The following AMDHD1 variants were observed in gnomAD, a reference collection of about 807,000 sequenced individuals.
AMDHD1 encodes probable imidazolonepropionase.
AMDHD1 carries 45 observed loss-of-function variants against 44.1 expected under a neutral mutation model. The ratio of observed to expected loss-of-function variants is 1.02; its 90% confidence interval spans 0.80 to 1.31. The LOEUF is 1.31. AMDHD1 is among the 50% of genes most tolerant of loss of function. The pLI is 0.00. For missense variants in AMDHD1, 586 were observed against 552.1 expected (o/e 1.06, Z -0.61); for synonymous variants, 206 against 205.0 (o/e 1.00, Z -0.04).
rs1031332895 is a variant in AMDHD1, at chr12:95,960,251, G to C, written c.588-147G>C. On this transcript the variant is annotated intron_variant, in intron 4 of 8. Coordinates refer to ENST00000266736, the MANE Select transcript of AMDHD1 (RefSeq NM_152435.3). ...ATGGCCCAATAGTTAAGAGCCCATA[G>C]TTGTAGCTTTGAGTCTTTCTCTACC... is the stretch of plus-strand genomic sequence containing the variant. 1.0e-5 allele frequency: 7 copies of C among 681,404 alleles called. No homozygotes were observed. The East Asian group carries it at 1.9e-4, about 18-fold the overall frequency. 42.2% of individuals were successfully genotyped at this position (681,404 alleles called of 1,614,324 possible).
At chr12:95,945,332 T>C (rs909983367) in intron 1 of AMDHD1, among the ~76,000 whole-genome samples, 1 of 152,182 alleles carries the variant, frequency 6.6e-6, no homozygotes, top group African/African-American at 2.4e-5. Flanking sequence ...TTGGATTTAT[T>C]ACAATGAAAT....
At chr12:95,958,497 A>G (rs978184241) in intron 4 of AMDHD1, among the ~76,000 whole-genome samples, 1 of 152,226 alleles carries the variant, frequency 6.6e-6, no homozygotes, top group African/African-American at 2.4e-5. Flanking sequence ...CTCTTGAGAC[A>G]TTCTCTATAG....
intron 1 of AMDHD1, among the ~76,000 whole-genome samples, chr12:95,949,928 G>C (rs994525266): frequency 7.9e-5 from 12 of 152,198 alleles, no homozygotes; most frequent in Non-Finnish European, 2.9e-5. Context: ...GAACCACACT[G>C]TTGAAAGGTA....
At chr12:95,954,569 A>AAAT in intron 2 of AMDHD1, among the ~76,000 whole-genome samples, 1 of 148,738 alleles carries the variant, frequency 6.7e-6, no homozygotes, top group East Asian at 2.0e-4. Flanking sequence ...ACCTTTCTCA[A>AAAT]AAATAAATAA....
At chr12:95,959,765 G>T (rs2080570707) in intron 4 of AMDHD1, among the ~76,000 whole-genome samples, 2 of 148,280 alleles carry the variant, frequency 1.3e-5, no homozygotes, top group Non-Finnish European at 3.0e-5. Flanking sequence ...GATGCCCTCT[G>T]AGTGTCCTTG....
At position 95,963,387 on chromosome 12, in the gene AMDHD1, C is replaced by T. The variant is rs183120743; in HGVS notation, c.938+908C>T. Among the ~76,000 whole-genome samples, 19 of 150,282 alleles carry T rather than the reference C, an allele frequency of 1.3e-4. No individual in the cohort carries two copies. In the East Asian group the frequency reaches 3.7e-3, roughly 29 times the overall value. ...GCTAAACAGTCCTCATTGCACAGAA[C>T]AGCTCCCAAAACAAAGAATTATCCA... On this transcript the variant is annotated intron_variant, in intron 6 of 8. Coordinates refer to ENST00000266736, the MANE Select transcript of AMDHD1 (RefSeq NM_152435.3).
At chr12:95,963,654 G>A (rs1306934080) in intron 6 of AMDHD1, among the ~76,000 whole-genome samples, 1 of 152,162 alleles carries the variant, frequency 6.6e-6, no homozygotes, top group Non-Finnish European at 1.5e-5. Flanking sequence ...CATTTCAAGT[G>A]TCATCAGTCT....
intron 8 of AMDHD1, among the ~76,000 whole-genome samples, chr12:95,967,466 A>G (rs2080617238): frequency 6.6e-6 from 1 of 152,218 alleles, no homozygotes; most frequent in Non-Finnish European, 1.5e-5. Context: ...AATTCTCTCC[A>G]TGATCAGAAA....
intron 6 of AMDHD1, among the ~76,000 whole-genome samples, chr12:95,964,032 T>TAAAAAAAAAAAAAAA (rs35799594): frequency 8.4e-6 from 1 of 119,384 alleles, no homozygotes; most frequent in African/African-American, 3.3e-5. Context: ...GATTCCATCT[T>TAAAAAAAAAAAAAAA]AAAAAAAAAA....
chr12:95,965,218 G>A (rs958283900), intron 6 of AMDHD1, among the ~76,000 whole-genome samples: 3 of 147,282 alleles, frequency 2.0e-5, no homozygotes, highest in Non-Finnish European at 1.5e-5. Flanking sequence ...AGAATCGCTT[G>A]AACCCAGAAG....
At chr12:95,965,828 TATAA>T in intron 7 of AMDHD1, 49 bp downstream of exon 7, 2 of 1,198,146 alleles carry the variant, frequency 1.7e-6, no homozygotes, top group Non-Finnish European at 2.4e-6. Context: ...CTACCAAGCA[TATAA>T]ATAATTTAAA....
At chr12:95,961,737 A>G (rs138396368) in intron 5 of AMDHD1, among the ~76,000 whole-genome samples, 2,336 of 152,284 alleles carry the variant, frequency 0.015, 63 homozygotes, top group African/African-American at 0.052. Context: ...AATTCCTCCC[A>G]ATTCTCCCAA....
In AMDHD1 at chr12:95,959,627, AC is replaced by A. The variant is rs1019334845; in HGVS notation, c.588-766del. ...GCCTCCTACTATCCTCCTCCCCCAT[AC>A]CCCCAGATAGTGAGACAGAAAGCTA... On this transcript the variant is annotated intron_variant, in intron 4 of 8. Transcript: ENST00000266736. Among the ~76,000 whole-genome samples the A allele has an allele frequency of 4.0e-5, 6 of 151,004 alleles. No homozygotes were observed. In the East Asian group the frequency reaches 9.8e-4, roughly 25 times the overall value.
At chr12:95,948,361 G>A (rs1364736491) in intron 1 of AMDHD1, among the ~76,000 whole-genome samples, 2 of 57,488 alleles carry the variant, frequency 3.5e-5, no homozygotes, top group Non-Finnish European at 6.1e-5. Flanking sequence ...GAGGGAGGTG[G>A]GGGGGGGTCA....
chr12:95,959,790 CTTTTTTTTTTTTTTT>C, intron 4 of AMDHD1, among the ~76,000 whole-genome samples: 1 of 67,360 alleles, frequency 1.5e-5, no homozygotes, highest in Non-Finnish European at 2.6e-5. Context: ...GAAGATTATG[CTTTTTTTTTTTTTTT>C]TTTTTTTTGA....
intron 1 of AMDHD1, among the ~76,000 whole-genome samples, chr12:95,946,161 A>G (rs532599610): frequency 7.2e-5 from 11 of 151,996 alleles, no homozygotes; most frequent in Middle Eastern, 3.4e-3. Flanking sequence ...CCAGTTGACA[A>G]TTGTCCCATC....
chr12:95,946,055 TTC>T (rs77667379), intron 1 of AMDHD1, among the ~76,000 whole-genome samples: 16,602 of 140,966 alleles, frequency 0.12, 1,174 homozygotes, highest in Non-Finnish European at 0.17. Context: ...CTCTCTCTCT[TTC>T]TCTCTGTGTG....
intron 1 of AMDHD1, among the ~76,000 whole-genome samples, chr12:95,945,644 G>A (rs571842120): frequency 5.9e-5 from 9 of 152,266 alleles, no homozygotes; most frequent in Non-Finnish European, 8.8e-5. Flanking sequence ...ACTTAATCCT[G>A]CTCTTCTTTT....
At position 95,945,799 on chromosome 12, in the gene AMDHD1, A is replaced by G. The variant is rs1458160332; in HGVS notation, c.137+2264A>G. 2.0e-5 allele frequency among the ~76,000 whole-genome samples: 3 copies of G among 151,866 alleles called. No individual in the cohort carries two copies. In the East Asian group the frequency reaches 5.8e-4, roughly 29 times the overall value. ...ACAGTGTGTGTTTTTTTTTTTCCCA[A>G]CAAGTATATACATACCATGGTGTGT... On this transcript the variant is annotated intron_variant, in intron 1 of 8. Coordinates refer to ENST00000266736, the MANE Select transcript of AMDHD1 (RefSeq NM_152435.3).
Sources: allele counts gnomAD v4.1 joint callset (sites outside exome capture counted in the v4.1 genomes callset), GRCh38; gene constraint gnomAD v4.1.1; transcripts MANE v1.5; gene names NCBI Gene and HGNC (gene_info 2026-07-23, HGNC 2026-07-21).